The following DNAJC13 variants were observed in gnomAD, a reference collection of about 807,000 sequenced individuals.
The protein encoded by DNAJC13 is dnaJ homolog subfamily C member 13.
DNAJC13 carries 75 observed loss-of-function variants against 290.5 expected under a neutral mutation model. The observed-to-expected ratio is 0.26, with a 90% CI of 0.21 to 0.31. DNAJC13 has a LOEUF of 0.31. Among genes scored for constraint, DNAJC13 ranks in the 10% least tolerant of loss-of-function variants. DNAJC13 has a pLI of 1.00. For synonymous variants in DNAJC13, 862 were observed against 892.0 expected (o/e 0.97, Z 0.60); for missense variants, 2,260 against 2,674.5 (o/e 0.85, Z 3.42).
At chr3:132,439,806 T>C (rs2107654559) in intron 2 of DNAJC13, among the ~76,000 whole-genome samples, 1 of 152,328 alleles carries the variant, frequency 6.6e-6, no homozygotes, top group East Asian at 1.9e-4. Context: ...TTCTTCTTTT[T>C]CTTTTCTGAG....
intron 2 of DNAJC13, among the ~76,000 whole-genome samples, chr3:132,442,113 A>C (rs2107656453): frequency 6.7e-6 from 1 of 149,858 alleles, no homozygotes; most frequent in South Asian, 2.1e-4. Flanking sequence ...AAATCATGCT[A>C]TAAAATGCCA....
intron 35 of DNAJC13, among the ~76,000 whole-genome samples, chr3:132,495,480 A>T (rs1935208024): frequency 6.6e-6 from 1 of 152,168 alleles, no homozygotes; most frequent in African/African-American, 2.4e-5. Context: ...AGCTTAATTC[A>T]TTTGTAGGTT....
chr3:132,432,055 G>T (rs1939252981), intron 1 of DNAJC13, among the ~76,000 whole-genome samples: 1 of 152,112 alleles, frequency 6.6e-6, no homozygotes, highest in Non-Finnish European at 1.5e-5. Context: ...TTTCTGAAAA[G>T]TTTTTTCTAA....
rs1935359035 is a variant in DNAJC13, at chr3:132,499,939, A to T, written c.4416+131A>T. The T allele has an allele frequency of 1.4e-5, 11 of 766,686 alleles. 2 individuals are homozygous for T. The South Asian group carries it at 1.9e-4, about 13-fold the overall frequency. 47.5% of individuals were successfully genotyped at this position (766,686 alleles called of 1,614,324 possible). ...AGCTCCACCCCACCCCAAGTTTCTGATTCAGTGAGTCTGGGGTGGTGGCCT... is the reference window on the plus strand; with the variant it reads ...AGCTCCACCCCACCCCAAGTTTCTGTTTCAGTGAGTCTGGGGTGGTGGCCT... On this transcript the variant is annotated intron_variant, in intron 38 of 55. Transcript: ENST00000260818.
At chr3:132,437,433 A>G (rs1035240954) in intron 2 of DNAJC13, among the ~76,000 whole-genome samples, 2 of 152,182 alleles carry the variant, frequency 1.3e-5, no homozygotes, top group Non-Finnish European at 2.9e-5. Flanking sequence ...GCTAACAAAG[A>G]TTTACTTCTT....
intron 20 of DNAJC13, among the ~76,000 whole-genome samples, chr3:132,472,054 G>C (rs962784521): frequency 2.0e-5 from 3 of 150,340 alleles, no homozygotes; most frequent in South Asian, 2.2e-4. Context: ...AGACCGGCCC[G>C]GCCAACACAG....
intron 15 of DNAJC13, 26 bp from the exon 16 acceptor site, chr3:132,462,441 G>C (rs1933828702): frequency 2.5e-6 from 4 of 1,597,316 alleles, no homozygotes; most frequent in African/African-American, 1.4e-5. Context: ...TTTATTTTTT[G>C]ATACTTTTTC....
At chr3:132,422,212 T>G (rs1234580894) in intron 1 of DNAJC13, among the ~76,000 whole-genome samples, 1 of 151,618 alleles carries the variant, frequency 6.6e-6, no homozygotes, top group East Asian at 1.9e-4. Context: ...ATTATTATTA[T>G]TTTTAGTAGA....
intron 27 of DNAJC13, 23 bp from the exon 28 acceptor site, chr3:132,483,352 T>C (rs1576490295): frequency 6.2e-7 from 1 of 1,606,520 alleles, no homozygotes; most frequent in African/African-American, 1.3e-5. Context: ...TGTCTGTTTG[T>C]AATAATGCCT....
chr3:132,456,956 C>A, intron 12 of DNAJC13, 124 bp downstream of exon 12: 1 of 1,094,148 alleles, frequency 9.1e-7, no homozygotes, highest in Non-Finnish European at 1.3e-6. Flanking sequence ...TGATATGGTA[C>A]TTTATTCATG....
chr3:132,538,231 C>T lies in DNAJC13; in HGVS notation c.6681C>T (p.Asn2227=). The T allele has an allele frequency of 6.2e-7, 1 of 1,613,932 alleles. No homozygotes were observed. Among genetic ancestry groups the T allele is most frequent in the South Asian group, 1.1e-5 (1 of 91,060 alleles). ...TAGTSTSVMS[N]LPPPVDHEAG... is the part of the protein sequence containing the mutation. ...GTACATCTACATCAGTCATGTCTAA[C>T]CTGCCACCTCCTGTAGACCATGAGG... The change falls in exon 56 of 56, where the codon AAC becomes AAT. Residue 2227 remains asparagine, a synonymous_variant. Coordinates refer to ENST00000260818, the MANE Select transcript of DNAJC13 (RefSeq NM_015268.4).
rs142764833 is a variant in DNAJC13 at position 132,437,010 on chromosome 3, C to G, written c.68+2392C>G. On this transcript the variant is annotated intron_variant, in intron 2 of 55. Coordinates refer to ENST00000260818, the MANE Select transcript of DNAJC13 (RefSeq NM_015268.4). ...TCTCCTGCCTCAGTCTCCCGAGTAG[C>G]TGGGATTACAGGCACATGCCACCAT... 1.8e-3 allele frequency among the ~76,000 whole-genome samples: 280 copies of G among 151,854 alleles called. 2 individuals are homozygous for G. Among genetic ancestry groups the G allele is most frequent in the African/African-American group, 6.4e-3 (263 of 41,382 alleles).
chr3:132,505,777 T>C (rs2107724973), intron 42 of DNAJC13, among the ~76,000 whole-genome samples: 1 of 152,174 alleles, frequency 6.6e-6, no homozygotes, highest in East Asian at 1.9e-4. Flanking sequence ...GGAGAAGCTA[T>C]TACTGAGCCG....
intron 50 of DNAJC13, 121 bp downstream of exon 50, chr3:132,523,320 T>G: frequency 2.3e-6 from 3 of 1,287,256 alleles, no homozygotes; most frequent in Admixed American, 4.6e-5. Context: ...GGTATTCCCC[T>G]GGAAAATAAG....
intron 30 of DNAJC13, 89 bp downstream of exon 30, chr3:132,488,541 C>G: frequency 1.6e-6 from 2 of 1,266,082 alleles, no homozygotes; most frequent in South Asian, 1.8e-5. Flanking sequence ...TACCTTATTG[C>G]TTTTATTAAA....
intron 2 of DNAJC13, among the ~76,000 whole-genome samples, chr3:132,435,500 AT>A (rs924936076): frequency 1.3e-5 from 2 of 152,178 alleles, no homozygotes; most frequent in South Asian, 2.1e-4. Flanking sequence ...GCTGTCTAGT[AT>A]TTCTGGTTTG....
intron 1 of DNAJC13, among the ~76,000 whole-genome samples, chr3:132,418,595 C>T (rs1272087972): frequency 6.6e-6 from 1 of 152,080 alleles, no homozygotes; most frequent in Non-Finnish European, 1.5e-5. Flanking sequence ...TCTCATTTTC[C>T]CTCTGCTTTT....
At position 132,538,291 on chromosome 3, in the gene DNAJC13, CGA is replaced by C; in HGVS notation, c.*14_*15del. 1 of 1,609,742 alleles carries C rather than the reference CGA, an allele frequency of 6.2e-7. No individual in the cohort carries two copies. Among genetic ancestry groups the C allele is most frequent in the Non-Finnish European group, 8.5e-7 (1 of 1,177,268 alleles). On this transcript the variant is annotated 3_prime_UTR_variant, in exon 56 of 56. Transcript: ENST00000260818. ...TTGGCTATCAGACTTGAAATATTCA[CGA>C]GAGACAATAAACGCTGAAAGGCCAG...
rs376046984 is a variant in DNAJC13 at position 132,444,578 on chromosome 3, C to G, written c.69-1897C>G. On this transcript the variant is annotated intron_variant, in intron 2 of 55. Coordinates refer to ENST00000260818, the MANE Select transcript of DNAJC13 (RefSeq NM_015268.4). ...CTTTTTGCTCACAGAATAAAATAAA[C>G]AAATTCTGTAGTTTTATTTCAGGAT... Among the ~76,000 whole-genome samples the G allele has an allele frequency of 1.9e-4, 29 of 152,288 alleles. No homozygotes were observed. In the East Asian group the frequency reaches 5.4e-3, roughly 28 times the overall value.
Sources: allele counts gnomAD v4.1 joint callset (sites outside exome capture counted in the v4.1 genomes callset), GRCh38; gene constraint gnomAD v4.1.1; transcripts MANE v1.5; gene names NCBI Gene and HGNC (gene_info 2026-07-23, HGNC 2026-07-21).